CACNG3: variants seen among roughly 807,000 people sequenced by gnomAD.
CACNG3 encodes the protein calcium voltage-gated channel auxiliary subunit gamma 3, also known as voltage-dependent calcium channel gamma-3 subunit.
CACNG3 carries 3 observed loss-of-function variants against 28.5 expected under a neutral mutation model. The ratio of observed to expected loss-of-function variants is 0.11; its 90% CI spans 0.05 to 0.27. The LOEUF is 0.27. Among genes scored for constraint, CACNG3 ranks in the 10% least tolerant of loss-of-function variants. The pLI is 1.00. For synonymous variants in CACNG3, 174 were observed against 162.2 expected (o/e 1.07, Z -0.55); for missense variants, 236 against 414.4 (o/e 0.57, Z 3.74).
At chr16:24,312,826 G>A (rs951116424) in intron 1 of CACNG3, among the ~76,000 whole-genome samples, 9 of 150,478 alleles carry the variant, frequency 6.0e-5, no homozygotes, top group Non-Finnish European at 1.0e-4. Flanking sequence ...CTGAAAAAAG[G>A]CAGGGCAGAG....
chr16:24,296,548 G>C (rs575684552), intron 1 of CACNG3, among the ~76,000 whole-genome samples: 5 of 152,078 alleles, frequency 3.3e-5, no homozygotes, highest in Non-Finnish European at 7.4e-5. Context: ...GGCTTGCTGG[G>C]ATGTGTGCTC....
intron 1 of CACNG3, among the ~76,000 whole-genome samples, chr16:24,264,482 C>G (rs1362767473): frequency 6.6e-6 from 1 of 152,130 alleles, no homozygotes; most frequent in Non-Finnish European, 1.5e-5. Context: ...ACCATAGGAC[C>G]CTCCAATAAC....
chr16:24,352,475 C>T (rs886972939), intron 2 of CACNG3, among the ~76,000 whole-genome samples: 3 of 152,288 alleles, frequency 2.0e-5, no homozygotes, highest in Non-Finnish European at 2.9e-5. Context: ...GGTCTACCCC[C>T]GCAGTCCAAG....
intron 2 of CACNG3, 24 bp downstream of exon 2, chr16:24,346,841 C>T: frequency 6.3e-7 from 1 of 1,593,816 alleles, no homozygotes; most frequent in Non-Finnish European, 8.6e-7. Context: ...CTTCTCGGGT[C>T]TCTCTGGGAG....
chr16:24,346,215 A>C (rs951167174), intron 1 of CACNG3, among the ~76,000 whole-genome samples: 1 of 152,148 alleles, frequency 6.6e-6, no homozygotes, highest in African/African-American at 2.4e-5. Flanking sequence ...GCAAATTTCC[A>C]TCTCCTGCTT....
At chr16:24,357,149 G>A (rs764549216) in intron 3 of CACNG3, among the ~76,000 whole-genome samples, 3 of 149,906 alleles carry the variant, frequency 2.0e-5, no homozygotes, top group African/African-American at 7.4e-5. Flanking sequence ...CAGGAGAATC[G>A]CTTGAACCCA....
rs181274689 is a variant in CACNG3 at position 24,314,802 on chromosome 16, C to A, written c.212-31932C>A. 2.1e-3 allele frequency among the ~76,000 whole-genome samples: 313 copies of A among 146,634 alleles called. 1 individual carries two copies. Among genetic ancestry groups the A allele is most frequent in the African/African-American group, 7.2e-3 (291 of 40,366 alleles). ...CCACCTACTCTCCTTCATTTTCATG[C>A]CTTCCAGGAGTCCCACACAATCAGG... On this transcript the variant is annotated intron_variant, in intron 1 of 3. Coordinates refer to ENST00000005284, the MANE Select transcript of CACNG3 (RefSeq NM_006539.4).
chr16:24,262,364 TGA>T (rs1292592297), intron 1 of CACNG3, among the ~76,000 whole-genome samples: 1 of 152,198 alleles, frequency 6.6e-6, no homozygotes, highest in Admixed American at 6.5e-5. Context: ...GTTTGAGGGT[TGA>T]GTCAGGATTG....
intron 1 of CACNG3, among the ~76,000 whole-genome samples, chr16:24,261,215 A>C (rs1898532906): frequency 6.6e-6 from 1 of 152,168 alleles, no homozygotes; most frequent in East Asian, 1.9e-4. Flanking sequence ...TCTTAGCTCA[A>C]TTCTCAGCAG....
At chr16:24,316,752 G>A (rs770733016) in intron 1 of CACNG3, among the ~76,000 whole-genome samples, 3 of 152,308 alleles carry the variant, frequency 2.0e-5, no homozygotes, top group Admixed American at 6.5e-5. Flanking sequence ...TGAGTGACAC[G>A]GTTTGGCCCA....
At chr16:24,262,267 T>C (rs2141343723) in intron 1 of CACNG3, among the ~76,000 whole-genome samples, 1 of 152,196 alleles carries the variant, frequency 6.6e-6, no homozygotes, top group South Asian at 2.1e-4. Flanking sequence ...GTATTCTTCC[T>C]CCTTGCCACT....
chr16:24,317,353 C>G (rs1899365806), intron 1 of CACNG3, among the ~76,000 whole-genome samples: 1 of 151,698 alleles, frequency 6.6e-6, no homozygotes, highest in African/African-American at 2.4e-5. Flanking sequence ...AACAGCCTGG[C>G]CAACATGGTG....
intron 1 of CACNG3, among the ~76,000 whole-genome samples, chr16:24,321,004 A>G (rs2141369833): frequency 6.6e-6 from 1 of 152,250 alleles, no homozygotes; most frequent in Admixed American, 6.5e-5. Flanking sequence ...AAGCACTGAG[A>G]TTACAGGTGT....
intron 1 of CACNG3, among the ~76,000 whole-genome samples, chr16:24,269,746 C>CAAAAAAAAAAAAAAAAAAAAAAAA (rs1163565728): frequency 2.8e-5 from 2 of 71,082 alleles, no homozygotes; most frequent in African/African-American, 4.8e-5. Flanking sequence ...GACTCCATCT[C>CAAAAAAAAAAAAAAAAAAAAAAAA]AAAAAAAAAA....
chr16:24,256,887 A>G lies in CACNG3; in HGVS notation c.133A>G (p.Thr45Ala), dbSNP rs1434033989. Residue 45 changes from threonine (T) to alanine (A), a missense_variant, in exon 1 of 4, where the codon ACA becomes GCA. Physicochemically the swap from Thr to Ala is moderately conservative, Grantham distance 58 (BLOSUM62 0). This residue lies in a region of CACNG3 where 120 missense variants were observed against 263.4 expected (regional missense o/e 0.46). Coordinates refer to ENST00000005284, the MANE Select transcript of CACNG3 (RefSeq NM_006539.4). The surrounding 1 kb of genome is among the most constrained non-coding windows in gnomAD (Gnocchi z 4.6). ...CAGAGGTGTGTGCAGGACTAAATCT[A>G]CAAGTGATAATGAAACCAGCAGGAA... ...YSRGVCRTKS[T>A]SDNETSRKNE... 6.2e-7 allele frequency: 1 copy of G among 1,613,906 alleles called. No individual in the cohort carries two copies. Among genetic ancestry groups the G allele is most frequent in the Admixed American group, 1.7e-5 (1 of 60,032 alleles).
In CACNG3 at chr16:24,361,317, A is replaced by G. The variant is rs766980359; in HGVS notation, c.437-35A>G. The G allele has an allele frequency of 3.3e-6, 5 of 1,499,864 alleles. No homozygotes were observed. Among genetic ancestry groups the G allele is most frequent in the East Asian group, 2.3e-5 (1 of 44,142 alleles). 92.9% of individuals were successfully genotyped at this position (1,499,864 alleles called of 1,614,324 possible). On this transcript the variant is annotated intron_variant, in intron 3 of 3. Coordinates refer to ENST00000005284, the MANE Select transcript of CACNG3 (RefSeq NM_006539.4). This position sits in a 1 kb window ranked among gnomAD's most constrained non-coding sequence, Gnocchi z 6.8. Reference sequence around the variant, plus strand: ...AAAGTGACAGTTCTCTCCGAGGTGTATAAAGGACGTGTTTTTCTTTTCCCC... The same window carrying G: ...AAAGTGACAGTTCTCTCCGAGGTGTGTAAAGGACGTGTTTTTCTTTTCCCC...
intron 1 of CACNG3, among the ~76,000 whole-genome samples, chr16:24,303,692 T>C (rs1029559401): frequency 6.6e-6 from 1 of 152,080 alleles, no homozygotes; most frequent in Admixed American, 6.6e-5. Context: ...CGGAGACAGG[T>C]GGATCACCTG....
At chr16:24,292,397 A>T (rs1258688752) in intron 1 of CACNG3, among the ~76,000 whole-genome samples, 1 of 152,144 alleles carries the variant, frequency 6.6e-6, no homozygotes, top group East Asian at 1.9e-4. Context: ...CATATTGAGG[A>T]ACATTAGATC....
At chr16:24,340,775 G>A (rs1899775648) in intron 1 of CACNG3, among the ~76,000 whole-genome samples, 2 of 152,062 alleles carry the variant, frequency 1.3e-5, no homozygotes, top group African/African-American at 4.8e-5. Context: ...CTCTTCCCGG[G>A]GTCCTGGGGT....
Sources: allele counts gnomAD v4.1 joint callset (sites outside exome capture counted in the v4.1 genomes callset), GRCh38; gene constraint gnomAD v4.1.1; regional missense constraint gnomAD v4.1.1; non-coding constraint Gnocchi (gnomAD v3.1); transcripts MANE v1.5; gene names NCBI Gene and HGNC (gene_info 2026-07-23, HGNC 2026-07-21).